MTMR7: variants seen among roughly 807,000 people sequenced by gnomAD.
MTMR7 encodes the protein phosphatidylinositol-3-phosphate phosphatase MTMR7.
Under a neutral mutation model 81.2 loss-of-function variants are expected in MTMR7, and 76 were observed. The observed-to-expected ratio is 0.94, with a 90% CI of 0.78 to 1.13. The LOEUF is 1.13. MTMR7 is among the 50% of genes most tolerant of loss of function. The pLI, the probability that MTMR7 is intolerant of heterozygous loss-of-function variation, is 0.00. For synonymous variants in MTMR7, 372 were observed against 289.8 expected, an observed-to-expected ratio of 1.28 and a Z score of -2.88; for missense variants, 1,044 against 820.0, an observed-to-expected ratio of 1.27 and a Z score of -3.34.
intron 5 of MTMR7, among the ~76,000 whole-genome samples, chr8:17,341,817 G>A (rs1819415963): frequency 6.6e-6 from 1 of 151,944 alleles, no homozygotes; most frequent in African/African-American, 2.4e-5. Flanking sequence ...TCATTTTCCT[G>A]CTGAAAGAAA....
chr8:17,405,341 C>G (rs1022183645), intron 1 of MTMR7, among the ~76,000 whole-genome samples: 1 of 152,108 alleles, frequency 6.6e-6, no homozygotes, highest in Admixed American at 6.5e-5. Flanking sequence ...ATTCGTATTC[C>G]TGTACACCAG....
intron 13 of MTMR7, 179 bp from the exon 14 acceptor site, chr8:17,300,403 T>C (rs1307078867): frequency 7.9e-6 from 5 of 633,112 alleles, no homozygotes; most frequent in African/African-American, 5.5e-5. Flanking sequence ...TGAGGCCTGC[T>C]TTATCTCTAA....
intron 7 of MTMR7, chr8:17,326,495 C>T (rs1341340359): frequency 6.6e-6 from 1 of 152,190 alleles, no homozygotes; most frequent in Non-Finnish European, 1.5e-5. Flanking sequence ...ACATCAGAAT[C>T]ACTACTCAAC....
rs755213845 is a variant in MTMR7, at chr8:17,305,825, T to C, written c.1284A>G (p.Gln428=). 23 of 1,613,772 alleles carry C rather than the reference T, an allele frequency of 1.4e-5. 1 individual carries two copies. In the South Asian group the frequency reaches 2.4e-4, roughly 17 times the overall value. ...EFNERFLIHI[Q]HHIYSCQFGN... ...CAAACTGGCAGGAATAAATGTGATG[T>C]TGAATGTGAATCAAAAACCTCTCAT... The change falls in exon 11 of 14, where the codon CAA becomes CAG. Residue 428 remains glutamine (Q), a synonymous_variant. Coordinates refer to ENST00000180173, the MANE Select transcript of MTMR7 (RefSeq NM_004686.5).
chr8:17,379,663 G>A (rs866536914), intron 1 of MTMR7, among the ~76,000 whole-genome samples: 1 of 152,038 alleles, frequency 6.6e-6, no homozygotes, highest in Non-Finnish European at 1.5e-5. Context: ...AATGTTTAAA[G>A]ATTTGGAAAT....
rs1235615720 is a variant in MTMR7 at position 17,302,705 on chromosome 8, C to CT, written c.1494-426_1494-425insA. On this transcript the variant is annotated intron_variant, in intron 12 of 13. Transcript: ENST00000180173. ...AGTTGACATTTGCATTGGCAATAAC[C>CT]CCCCCCCCCCCGCTTTTTTTTTTAA... Among the ~76,000 whole-genome samples the CT allele has an allele frequency of 9.0e-3, 313 of 34,712 alleles. 22 individuals carry two copies. Among genetic ancestry groups the CT allele is most frequent in the African/African-American group, 0.021 (303 of 14,178 alleles). The allele number at this position is 34,712 out of a possible 152,430, so 22.8% of individuals were successfully genotyped here.
chr8:17,378,504 G>A (rs895309637), intron 1 of MTMR7, among the ~76,000 whole-genome samples: 37 of 152,148 alleles, frequency 2.4e-4, no homozygotes, highest in African/African-American at 8.0e-4. Flanking sequence ...ATACATATAT[G>A]CTGTACATAC....
chr8:17,369,851 T>C lies in MTMR7; in HGVS notation c.310+1186A>G, dbSNP rs577152521. ...TAGTAGAGACGGGGTTTCGCCGTCTTAGCCAGGATGGTCTCAGTCTCCTGA... is the reference window on the plus strand; with the variant it reads ...TAGTAGAGACGGGGTTTCGCCGTCTCAGCCAGGATGGTCTCAGTCTCCTGA... On this transcript the variant is annotated intron_variant, in intron 3 of 13. Coordinates refer to ENST00000180173, the MANE Select transcript of MTMR7 (RefSeq NM_004686.5). Among the ~76,000 whole-genome samples, 5 of 152,078 alleles carry C rather than the reference T, an allele frequency of 3.3e-5. No homozygotes were observed. The East Asian group carries it at 7.8e-4, about 24-fold the overall frequency.
At chr8:17,305,686 G>A in intron 11 of MTMR7, 71 bp downstream of exon 11, 1 of 1,353,330 alleles carries the variant, frequency 7.4e-7, no homozygotes, top group Non-Finnish European at 1.0e-6. Flanking sequence ...AATTATGAAA[G>A]GCCACCTAAA....
At chr8:17,360,725 G>A (rs1820034200) in intron 4 of MTMR7, among the ~76,000 whole-genome samples, 1 of 151,986 alleles carries the variant, frequency 6.6e-6, no homozygotes. Context: ...AGTACATAGA[G>A]GAGCCGGTGC....
At chr8:17,387,583 C>T (rs1283791936) in intron 1 of MTMR7, among the ~76,000 whole-genome samples, 3 of 152,176 alleles carry the variant, frequency 2.0e-5, no homozygotes, top group Non-Finnish European at 4.4e-5. Flanking sequence ...GTTAGTATAT[C>T]GGTGTCCCAA....
At chr8:17,320,110 A>G (rs1818305066) in intron 7 of MTMR7, among the ~76,000 whole-genome samples, 1 of 151,984 alleles carries the variant, frequency 6.6e-6, no homozygotes, top group South Asian at 2.1e-4. Flanking sequence ...TAAATAAAAT[A>G]CATTATGAAA....
At chr8:17,336,077 C>T (rs1216196125) in intron 6 of MTMR7, among the ~76,000 whole-genome samples, 1 of 152,152 alleles carries the variant, frequency 6.6e-6, no homozygotes, top group Non-Finnish European at 1.5e-5. Flanking sequence ...GAGTTGGTCA[C>T]CACTTCCCTC....
intron 6 of MTMR7, among the ~76,000 whole-genome samples, chr8:17,337,347 A>G (rs1329216170): frequency 7.0e-6 from 1 of 143,498 alleles, no homozygotes; most frequent in Non-Finnish European, 1.5e-5. Flanking sequence ...CCTGGGGGCG[A>G]GTAAAACTCC....
At chr8:17,373,499 C>T (rs1157766668) in intron 1 of MTMR7, among the ~76,000 whole-genome samples, 1 of 126,384 alleles carries the variant, frequency 7.9e-6, no homozygotes. Flanking sequence ...ATTAAGAATA[C>T]CCTCTCTGGG....
intron 1 of MTMR7, among the ~76,000 whole-genome samples, chr8:17,378,143 C>A (rs1468467304): frequency 6.6e-6 from 1 of 152,054 alleles, no homozygotes; most frequent in Non-Finnish European, 1.5e-5. Flanking sequence ...TTGGATGCTG[C>A]TGCAGGAAAG....
At chr8:17,333,442 G>A (rs532696145) in intron 6 of MTMR7, among the ~76,000 whole-genome samples, 2 of 152,220 alleles carry the variant, frequency 1.3e-5, no homozygotes, top group East Asian at 1.9e-4. Context: ...AAATTAATAG[G>A]AGATTTGAAA....
chr8:17,334,753 C>A (rs889661401), intron 6 of MTMR7, among the ~76,000 whole-genome samples: 2 of 152,310 alleles, frequency 1.3e-5, no homozygotes, highest in African/African-American at 4.8e-5. Context: ...ATGACATCCA[C>A]CAGGACTGGG....
intron 3 of MTMR7, 95 bp from the exon 4 acceptor site, chr8:17,361,369 G>A: frequency 1.4e-6 from 2 of 1,397,832 alleles, no homozygotes; most frequent in Non-Finnish European, 1.0e-6. Context: ...AGTGCCCAGA[G>A]AGGCCATCCC....
Sources: gnomAD v4.1 joint callset for allele counts (sites outside exome capture counted in the v4.1 genomes callset) on GRCh38, gnomAD v4.1.1 for gene constraint, MANE v1.5 for transcripts, NCBI Gene and HGNC (gene_info 2026-07-23, HGNC 2026-07-21) for gene names.